Variants in COLEC11 observed in about 807,000 individuals in gnomAD.
COLEC11 encodes collectin-11.
A neutral mutation model predicts 27.3 loss-of-function variants in COLEC11; 20 were observed. That is an observed-to-expected ratio of 0.73 (90% CI 0.51 to 1.06). COLEC11 has a LOEUF of 1.06. COLEC11 is among the 50% of genes least tolerant of loss of function. COLEC11 has a pLI of 0.00. For missense variants in COLEC11, 310 were observed against 383.0 expected, an observed-to-expected ratio of 0.81 and a Z score of 1.59; for synonymous variants, 163 against 154.7, an observed-to-expected ratio of 1.05 and a Z score of -0.40.
In COLEC11 at chr2:3,602,625, G is replaced by A. The variant is rs549406241; in HGVS notation, c.-26-1690G>A. ...TTCCGTTGCTGTTCCCCTAAGTCCC[G>A]TCTCAAGAGCAGGGAGACCCTTTTG... On this transcript the variant is annotated intron_variant, in intron 1 of 6. Transcript: ENST00000349077. The surrounding 1 kb of genome is among the most constrained non-coding windows in gnomAD (Gnocchi z 6.2). Among the ~76,000 whole-genome samples the A allele has an allele frequency of 3.3e-5, 5 of 152,200 alleles. No individual in the cohort carries two copies. Among genetic ancestry groups the A allele is most frequent in the East Asian group, 3.9e-4 (2 of 5,186 alleles).
At position 3,644,014 on chromosome 2, in the gene COLEC11, G is replaced by A; in HGVS notation, c.712G>A (p.Asp238Asn). 2 of 1,614,020 alleles carry A rather than the reference G, an allele frequency of 1.2e-6. No individual in the cohort carries two copies. The highest frequency in any genetic ancestry group is 1.7e-6 in the Non-Finnish European group (2 of 1,180,052). Reference protein sequence around the residue: ...WRSGEPNNAYDEEDCVEMVAS... With the variant: ...WRSGEPNNAYNEEDCVEMVAS... ...CAGCGGTGAGCCCAACAATGCCTAC[G>A]ACGAGGAGGACTGCGTGGAGATGGT... The change falls in exon 7 of 7, where the codon GAC (aspartate) becomes AAC (asparagine). Residue 238 changes from aspartate (D) to asparagine (N), a missense_variant. Physicochemically the swap from Asp to Asn is conservative, Grantham distance 23. Coordinates refer to ENST00000349077, the MANE Select transcript of COLEC11 (RefSeq NM_024027.5).
intron 3 of COLEC11, chr2:3,626,209 T>A: frequency 1.1e-6 from 1 of 898,852 alleles, no homozygotes; most frequent in South Asian, 1.3e-5. Flanking sequence ...GAAGCCCCAT[T>A]TCTAGATGGA....
At chr2:3,643,030 CGCCCTTCAGCTCCCCTCA>C (rs1302857107) in intron 5 of COLEC11, among the ~76,000 whole-genome samples, 2 of 152,240 alleles carry the variant, frequency 1.3e-5, no homozygotes, top group African/African-American at 4.8e-5. Flanking sequence ...GACGCCACTG[CGCCCTTCAGCTCCCCTCA>C]GCCCTGCAGT....
rs186782639 is a variant in COLEC11, at chr2:3,609,232, A to G, written c.131-4079A>G. On this transcript the variant is annotated intron_variant, in intron 2 of 6. Transcript: ENST00000349077. ...TTAGAAAGTCTTGCTGTTTTTAATG[A>G]CTTATGATTCTTTCTCTCCTGCTTT... 3.3e-5 allele frequency among the ~76,000 whole-genome samples: 5 copies of G among 152,020 alleles called. No homozygotes were observed. The East Asian group carries it at 7.7e-4, about 24-fold the overall frequency.
intron 1 of COLEC11, among the ~76,000 whole-genome samples, chr2:3,595,797 G>A (rs114785923): frequency 0.014 from 2,131 of 152,300 alleles, 22 homozygotes; most frequent in Non-Finnish European, 0.022. Context: ...GATGCCTTGC[G>A]CTAGGAACTG....
chr2:3,615,850 G>GT (rs1421868832), intron 3 of COLEC11, among the ~76,000 whole-genome samples: 3,153 of 129,486 alleles, frequency 0.024, 143 homozygotes, highest in African/African-American at 0.096. Context: ...GGCCGGGCAG[G>GT]GGCTGCCCCC....
chr2:3,604,998 G>C (rs957738126), intron 2 of COLEC11: 15 of 462,500 alleles, frequency 3.2e-5, no homozygotes, highest in Non-Finnish European at 5.3e-5. Context: ...TCTGTAATCT[G>C]CTCCCGGATA....
intron 3 of COLEC11, among the ~76,000 whole-genome samples, chr2:3,624,440 C>T (rs1410852420): frequency 6.6e-6 from 1 of 152,190 alleles, no homozygotes; most frequent in Admixed American, 6.5e-5. Context: ...CCAACTTCTC[C>T]TCCATGTCAG....
rs61738755 is a variant in COLEC11 at position 3,617,638 on chromosome 2, C to T, written c.202+4256C>T. 7,646 of 1,612,112 alleles carry T rather than the reference C, an allele frequency of 4.7e-3. 261 individuals carry two copies. In the African/African-American group the frequency reaches 0.082, roughly 17 times the overall value. ...GAGTCTCTGTCTTCTTCAGTTTCGACTTATCGAATTTCTCGATCTCAGCCA... is the reference window on the plus strand; with the variant it reads ...GAGTCTCTGTCTTCTTCAGTTTCGATTTATCGAATTTCTCGATCTCAGCCA... On this transcript the variant is annotated intron_variant, in intron 3 of 6. Transcript: ENST00000349077.
intron 3 of COLEC11, among the ~76,000 whole-genome samples, chr2:3,632,131 G>C (rs1665056773): frequency 1.3e-5 from 2 of 152,160 alleles, no homozygotes; most frequent in African/African-American, 2.4e-5. Flanking sequence ...CCACTTGACA[G>C]ACAGGGAAAC....
chr2:3,634,757 G>C (rs537769677), intron 3 of COLEC11, among the ~76,000 whole-genome samples: 28 of 152,190 alleles, frequency 1.8e-4, no homozygotes, highest in East Asian at 1.6e-3. Flanking sequence ...GGATTCAGAG[G>C]AGGGCAGGGC....
At chr2:3,626,592 C>G (rs1258124128) in intron 3 of COLEC11, among the ~76,000 whole-genome samples, 1 of 152,236 alleles carries the variant, frequency 6.6e-6, no homozygotes, top group Admixed American at 6.5e-5. Context: ...TGCTTTTGTT[C>G]ATGGGAACTC....
chr2:3,635,612 C>T (rs1029855195), intron 3 of COLEC11, among the ~76,000 whole-genome samples: 2 of 152,228 alleles, frequency 1.3e-5, no homozygotes, highest in Non-Finnish European at 2.9e-5. Flanking sequence ...CCCGACTTAC[C>T]GGCAAACCCT....
intron 3 of COLEC11, chr2:3,617,556 T>C (rs11896016): frequency 0.72 from 1,154,298 of 1,594,606 alleles, 417,679 homozygotes; most frequent in South Asian, 0.83. Flanking sequence ...CACTACGATT[T>C]GCCTGCTTGC....
At chr2:3,627,684 C>T (rs1014368936) in intron 3 of COLEC11, among the ~76,000 whole-genome samples, 7 of 148,876 alleles carry the variant, frequency 4.7e-5, no homozygotes, top group African/African-American at 1.2e-4. Context: ...AGCACAGTGA[C>T]GCTGGGCACG....
chr2:3,633,532 G>A (rs1382924665), intron 3 of COLEC11, among the ~76,000 whole-genome samples: 1 of 152,196 alleles, frequency 6.6e-6, no homozygotes, highest in Non-Finnish European at 1.5e-5. Context: ...AAACCCTTGC[G>A]CTGGCTGCTT....
At chr2:3,603,322 A>C in intron 1 of COLEC11, 1 of 193,024 alleles carries the variant, frequency 5.2e-6, no homozygotes, top group Non-Finnish European at 1.1e-5. Flanking sequence ...TATTTATTAT[A>C]TTTTATTTTT....
rs113269917 is a variant in COLEC11 at position 3,604,363 on chromosome 2, T to C, written c.23T>C (p.Val8Ala). The C allele has an allele frequency of 1.4e-3, 2,247 of 1,614,254 alleles. 28 individuals are homozygous for C. In the African/African-American group the frequency reaches 0.025, roughly 18 times the overall value. Residue 8 changes from valine to alanine, a missense_variant, in exon 2 of 7, where the codon GTG becomes GCG. Coordinates refer to ENST00000349077, the MANE Select transcript of COLEC11 (RefSeq NM_024027.5). ...AGGATGAGGGGGAATCTGGCCCTGG[T>C]GGGCGTTCTAATCAGCCTGGCCTTC... MRGNLAL[V>A]GVLISLAFLS...
rs1662386684 is a variant in COLEC11, at chr2:3,603,411, G to A, written c.-26-904G>A. ...AGGTCACTGCAACCTCCGCCTCCTG[G>A]GTTCAAGCAGTTCTCCTGCCTCAGC... On this transcript the variant is annotated intron_variant, in intron 1 of 6. Coordinates refer to ENST00000349077, the MANE Select transcript of COLEC11 (RefSeq NM_024027.5). The A allele has an allele frequency of 3.7e-5, 19 of 518,278 alleles. No individual in the cohort carries two copies. In the South Asian group the frequency reaches 3.9e-4, roughly 11 times the overall value. The allele number at this position is 518,278 out of a possible 1,614,324, so 32.1% of individuals were successfully genotyped here.
Sources: allele counts gnomAD v4.1 joint callset (sites outside exome capture counted in the v4.1 genomes callset), GRCh38; gene constraint gnomAD v4.1.1; non-coding constraint Gnocchi (gnomAD v3.1); transcripts MANE v1.5; gene names NCBI Gene and HGNC (gene_info 2026-07-23, HGNC 2026-07-21).